Variants in TSPAN1 observed in about 807,000 individuals in gnomAD.
The protein encoded by TSPAN1 is tetraspanin 1, also known as tetraspanin-1.
TSPAN1 carries 23 observed loss-of-function variants against 26.9 expected under a neutral mutation model. That is an observed-to-expected ratio of 0.85 (90% CI 0.62 to 1.21). TSPAN1 has a LOEUF of 1.21. Ranked by LOEUF, TSPAN1 falls within the 50% of genes most tolerant of loss-of-function variation. The pLI is 0.00. For missense variants in TSPAN1, 283 were observed against 298.4 expected (o/e 0.95, Z 0.38); for synonymous variants, 115 against 114.8 (o/e 1.00, Z -0.01).
chr1:46,184,556 G>A (rs772522578), intron 4 of TSPAN1, 38 bp from the exon 5 acceptor site: 2 of 1,610,010 alleles, frequency 1.2e-6, no homozygotes, highest in African/African-American at 2.7e-5. Context: ...ATGAGGGACT[G>A]TCTCTCCCTA....
chr1:46,190,547 A>G, downstream of TSPAN1: 1 of 1,579,062 alleles, frequency 6.3e-7, no homozygotes, highest in Middle Eastern at 1.7e-4. Context: ...GGGTCAGGGG[A>G]GTGGGCAGGC....
chr1:46,194,215 G>C, the TSPAN1 span: 1 of 1,613,742 alleles, frequency 6.2e-7, no homozygotes. Flanking sequence ...ATCATTCCTG[G>C]GGCCCCCCTG....
chr1:46,192,995 T>A, the TSPAN1 span: 3 of 1,612,514 alleles, frequency 1.9e-6, no homozygotes, highest in East Asian at 2.2e-5. Flanking sequence ...CCCAAAGGGG[T>A]CTCTCCATCC....
At chr1:46,192,556 C>G in the TSPAN1 span, 1 of 1,614,164 alleles carries the variant, frequency 6.2e-7, no homozygotes, top group Non-Finnish European at 8.5e-7. Context: ...AGGCTGTCAT[C>G]CTCCTCCAGT....
Position 46,185,592 on chromosome 1 carries a change from G to A in TSPAN1, c.*59G>A, listed in dbSNP as rs973899735. 3 of 1,578,326 alleles carry A rather than the reference G, an allele frequency of 1.9e-6. No individual in the cohort carries two copies. The highest frequency in any genetic ancestry group is 2.6e-6 in the Non-Finnish European group (3 of 1,149,436). ...ATGGGAACTGTGAAGAGGCACCCTG[G>A]CAAGCAGCAGTGATTGGGGGAGGGG... On this transcript the variant is annotated 3_prime_UTR_variant, in exon 9 of 9. Transcript: ENST00000372003.
chr1:46,196,172 C>G, the TSPAN1 span: 1 of 1,591,370 alleles, frequency 6.3e-7, no homozygotes, highest in South Asian at 1.1e-5. The surrounding 1 kb of genome is among the most constrained non-coding windows in gnomAD (Gnocchi z 4.4). Flanking sequence ...CTTGAAACAT[C>G]ACCTCCTGCC....
At position 46,185,791 on chromosome 1, in the gene TSPAN1, C is replaced by G. The variant is rs1185197898; in HGVS notation, c.*258C>G. On this transcript the variant is annotated 3_prime_UTR_variant, in exon 9 of 9. Coordinates refer to ENST00000372003, the MANE Select transcript of TSPAN1 (RefSeq NM_005727.4). Reference sequence around the variant, plus strand: ...GGTAGCCAGTTCTGTTGCCCATTCCCCCAGTCTATTAAACCCTTGATATGC... The same window carrying G: ...GGTAGCCAGTTCTGTTGCCCATTCCGCCAGTCTATTAAACCCTTGATATGC... 1.7e-6 allele frequency: 1 copy of G among 573,456 alleles called. No individual in the cohort carries two copies. Among genetic ancestry groups the G allele is most frequent in the Non-Finnish European group, 3.1e-6 (1 of 320,882 alleles). 35.5% of individuals were successfully genotyped at this position (573,456 alleles called of 1,614,324 possible).
At chr1:46,188,870 C>T (rs1199789826), downstream of TSPAN1, 1 of 1,612,862 alleles carries the variant, frequency 6.2e-7, no homozygotes, top group Non-Finnish European at 8.5e-7. Flanking sequence ...AAGAGCCAGC[C>T]CCACCCTCAG....
chr1:46,182,281 A>G (rs1217633672), intron 3 of TSPAN1, among the ~76,000 whole-genome samples: 1 of 136,462 alleles, frequency 7.3e-6, no homozygotes, highest in African/African-American at 2.7e-5. Flanking sequence ...GAACTCTGGG[A>G]AACCCAATTT....
At chr1:46,192,996 C>T in the TSPAN1 span, 47 of 1,612,420 alleles carry the variant, frequency 2.9e-5, no homozygotes, top group Non-Finnish European at 3.9e-5. Context: ...CCAAAGGGGT[C>T]TCTCCATCCT....
chr1:46,182,316 A>AAAAAAAAAAAAAAAAAAAAAAAAAAAC (rs1657332290), intron 3 of TSPAN1, among the ~76,000 whole-genome samples: 1 of 147,434 alleles, frequency 6.8e-6, no homozygotes, highest in Admixed American at 6.9e-5. Context: ...AAAAAAAAAA[A>AAAAAAAAAAAAAAAAAAAAAAAAAAAC]AGCCACTGTG....
intron 1 of TSPAN1, chr1:46,175,903 A>C (rs550041105): frequency 7.1e-5 from 30 of 422,734 alleles, no homozygotes; most frequent in Middle Eastern, 6.2e-4. Flanking sequence ...GACAGAGTCT[A>C]GCTCTGTCAC....
At chr1:46,193,731 AC>A in the TSPAN1 span, 2 of 1,602,106 alleles carry the variant, frequency 1.2e-6, no homozygotes, top group Non-Finnish European at 1.7e-6. Flanking sequence ...CCCTATGCTT[AC>A]CCACAGAGGT....
At chr1:46,192,454 T>C in the TSPAN1 span, 8 of 1,614,032 alleles carry the variant, frequency 5.0e-6, no homozygotes, top group Non-Finnish European at 5.9e-6. Flanking sequence ...CAGGGTGCCA[T>C]AGTGGGAGGT....
intron 3 of TSPAN1, 60 bp from the exon 4 acceptor site, chr1:46,184,131 G>A: frequency 6.4e-7 from 1 of 1,556,084 alleles, no homozygotes; most frequent in Non-Finnish European, 8.9e-7. Flanking sequence ...TTACTCAGCT[G>A]TGTGGTAGTA....
the TSPAN1 span, chr1:46,195,024 A>G: frequency 2.8e-6 from 4 of 1,445,638 alleles, no homozygotes; most frequent in African/African-American, 5.6e-5. Flanking sequence ...GGCCTCACAG[A>G]GCACGAACTA....
chr1:46,192,198 C>T, the TSPAN1 span: 14 of 1,614,060 alleles, frequency 8.7e-6, no homozygotes, highest in South Asian at 3.3e-5. Context: ...TTCAGGCATC[C>T]GCATCCACAT....
At chr1:46,192,382 G>A in the TSPAN1 span, 1 of 1,614,158 alleles carries the variant, frequency 6.2e-7, no homozygotes, top group Non-Finnish European at 8.5e-7. Context: ...CCCAGCCCAG[G>A]CATGGTCTCC....
At chr1:46,192,160 G>A in the TSPAN1 span, 1 of 1,614,140 alleles carries the variant, frequency 6.2e-7, no homozygotes, top group Non-Finnish European at 8.5e-7. Context: ...GAAACGTCAG[G>A]GATGATGCAC....
Sources: allele counts gnomAD v4.1 joint callset (sites outside exome capture counted in the v4.1 genomes callset), GRCh38; gene constraint gnomAD v4.1.1; non-coding constraint Gnocchi (gnomAD v3.1); transcripts MANE v1.5; gene names NCBI Gene and HGNC (gene_info 2026-07-23, HGNC 2026-07-21).